GPHN: variants seen among roughly 807,000 people sequenced by gnomAD.
GPHN encodes gephyrin.
In GPHN, 17 loss-of-function variants were observed where a neutral mutation model predicts 95.5. That is an observed-to-expected ratio of 0.18 (90% CI 0.12 to 0.27). The LOEUF is 0.27. Among genes scored for constraint, GPHN ranks in the 10% least tolerant of loss-of-function variants. The pLI is 1.00. For missense variants in GPHN, 660 were observed against 978.1 expected (o/e 0.67, Z 4.34); for synonymous variants, 320 against 322.5 (o/e 0.99, Z 0.08).
At chr14:67,604,377 A>G in the GPHN span, among the ~76,000 whole-genome samples, 1 of 152,316 alleles carries the variant, frequency 6.6e-6, no homozygotes, top group African/African-American at 2.4e-5. Context: ...CTAGTGTTGT[A>G]TAATATTTTG....
intron 2 of GPHN, among the ~76,000 whole-genome samples, chr14:66,727,264 T>C (rs1229298594): frequency 3.3e-5 from 5 of 152,238 alleles, no homozygotes; most frequent in Non-Finnish European, 7.3e-5. Flanking sequence ...TTAAATCTCT[T>C]TCTTTTGTAA....
the GPHN span, among the ~76,000 whole-genome samples, chr14:67,708,660 G>A: frequency 2.0e-5 from 3 of 151,938 alleles, no homozygotes; most frequent in Admixed American, 6.6e-5. Flanking sequence ...ACACATACCA[G>A]TAACATATTT....
chr14:67,674,360 C>G, the GPHN span: 1 of 1,576,552 alleles, frequency 6.3e-7, no homozygotes, highest in Non-Finnish European at 8.6e-7. Context: ...ACGGCGTGGC[C>G]CACCCCCGCC....
chr14:66,738,527 A>G (rs2072495004), intron 2 of GPHN, among the ~76,000 whole-genome samples: 1 of 152,086 alleles, frequency 6.6e-6, no homozygotes. Context: ...GATTTTTTTT[A>G]TGGCGTGTGT....
chr14:67,509,057 C>T, the GPHN span, among the ~76,000 whole-genome samples: 8 of 152,082 alleles, frequency 5.3e-5, no homozygotes, highest in African/African-American at 1.9e-4. Context: ...GGCAGTAGGA[C>T]AACAGAAATA....
chr14:67,093,887 T>G (rs567354617), intron 12 of GPHN, among the ~76,000 whole-genome samples: 4 of 152,274 alleles, frequency 2.6e-5, no homozygotes, highest in African/African-American at 9.6e-5. Flanking sequence ...AACTTTAGTA[T>G]GCATATAAAT....
chr14:66,719,691 T>C (rs894922899), intron 2 of GPHN, among the ~76,000 whole-genome samples: 2 of 152,174 alleles, frequency 1.3e-5, no homozygotes, highest in Non-Finnish European at 1.5e-5. Flanking sequence ...GCTGCACAAA[T>C]TTGTGAAAAA....
the GPHN span, among the ~76,000 whole-genome samples, chr14:67,417,292 A>C: frequency 6.6e-5 from 10 of 152,214 alleles, no homozygotes; most frequent in Admixed American, 5.2e-4. Flanking sequence ...AAAATAAATG[A>C]GATTATGACA....
At chr14:67,711,285 C>T in the GPHN span, among the ~76,000 whole-genome samples, 5 of 152,282 alleles carry the variant, frequency 3.3e-5, no homozygotes, top group Admixed American at 3.3e-4. Flanking sequence ...TTTCTAATCC[C>T]TATGCCAAAT....
chr14:67,308,194 A>G, the GPHN span, among the ~76,000 whole-genome samples: 8 of 151,624 alleles, frequency 5.3e-5, no homozygotes, highest in South Asian at 4.2e-4. Context: ...AAGTTTACCT[A>G]TGTAACAAAC....
At chr14:67,080,439 T>G (rs2076648031) in intron 11 of GPHN, among the ~76,000 whole-genome samples, 1 of 152,104 alleles carries the variant, frequency 6.6e-6, no homozygotes, top group Non-Finnish European at 1.5e-5. Flanking sequence ...CTATTTTGCT[T>G]TAGTTGCCTA....
chr14:67,283,454 C>T, the GPHN span, among the ~76,000 whole-genome samples: 1 of 152,084 alleles, frequency 6.6e-6, no homozygotes, highest in Non-Finnish European at 1.5e-5. Flanking sequence ...TTATTTCAAG[C>T]CAACAGACAA....
intron 13 of GPHN, among the ~76,000 whole-genome samples, chr14:67,108,814 C>G (rs546878911): frequency 1.3e-5 from 2 of 151,802 alleles, no homozygotes; most frequent in East Asian, 1.9e-4. Context: ...AACATACACA[C>G]ACATAACATT....
At chr14:66,943,724 T>C (rs1419580533) in intron 8 of GPHN, among the ~76,000 whole-genome samples, 1 of 152,206 alleles carries the variant, frequency 6.6e-6, no homozygotes, top group African/African-American at 2.4e-5. Flanking sequence ...TAGAGCTCTT[T>C]TTATAGGCAT....
intron 5 of GPHN, among the ~76,000 whole-genome samples, chr14:66,914,992 T>C (rs2065837979): frequency 1.3e-5 from 2 of 152,244 alleles, no homozygotes; most frequent in Non-Finnish European, 2.9e-5. Context: ...AAGTTTTTAA[T>C]GAAATAATGA....
the GPHN span, among the ~76,000 whole-genome samples, chr14:67,469,440 C>CTTTTTT: frequency 1.5e-3 from 122 of 80,892 alleles, 1 homozygote; most frequent in East Asian, 2.5e-3. Context: ...CCATGCCTGG[C>CTTTTTT]TTTTTTTTTT....
At chr14:67,130,749 C>A (rs2153697189) in intron 17 of GPHN, among the ~76,000 whole-genome samples, 1 of 152,296 alleles carries the variant, frequency 6.6e-6, no homozygotes, top group East Asian at 1.9e-4. Context: ...CTTTTCTCTG[C>A]AGCCTCACCA....
At chr14:66,678,411 T>G (rs2066737064) in intron 1 of GPHN, among the ~76,000 whole-genome samples, 1 of 152,078 alleles carries the variant, frequency 6.6e-6, no homozygotes, top group South Asian at 2.1e-4. Flanking sequence ...ATTGAATTCT[T>G]GAGTTCCGGG....
In GPHN at chr14:66,565,331, C is replaced by G. The variant is rs977236946; in HGVS notation, c.64+56740C>G. On this transcript the variant is annotated intron_variant, in intron 1 of 22. Transcript: ENST00000478722. ...GTGTGTTTTGAGGTGGGGTCTCACT[C>G]TGTTGCCCAGGCCGCAGCAGTGTAT... Among the ~76,000 whole-genome samples, 4 of 152,004 alleles carry G rather than the reference C, an allele frequency of 2.6e-5. No individual in the cohort carries two copies. In the East Asian group the frequency reaches 7.7e-4, roughly 29 times the overall value.
Sources: allele counts gnomAD v4.1 joint callset (sites outside exome capture counted in the v4.1 genomes callset), GRCh38; gene constraint gnomAD v4.1.1; transcripts MANE v1.5; gene names NCBI Gene and HGNC (gene_info 2026-07-23, HGNC 2026-07-21).